OTP: variants seen among roughly 807,000 people sequenced by gnomAD.
OTP encodes orthopedia homeobox.
OTP carries 5 observed loss-of-function variants against 22.3 expected under a neutral mutation model. The observed-to-expected ratio is 0.22, with a 90% CI of 0.12 to 0.47. OTP has a LOEUF of 0.47. Among genes scored for constraint, OTP ranks in the 20% least tolerant of loss-of-function variants. OTP has a pLI of 0.99. For synonymous variants in OTP, 229 were observed against 210.6 expected (o/e 1.09, Z -0.76); for missense variants, 428 against 456.2 (o/e 0.94, Z 0.56).
chr5:77,630,333 C>T lies in OTP; in HGVS notation c.909G>A (p.Trp303Ter). The change falls in exon 3 of 3, where the codon TGG becomes TGA. Residue 303 changes from tryptophan to a stop codon, truncating the protein, a stop_gained. Coordinates refer to ENST00000306422, the MANE Select transcript of OTP (RefSeq NM_032109.3). LOFTEE classifies it high-confidence loss of function. ...LCSSPDSSDV[W>*]RGTSIASLRR... ...GGAGGGAGGCGATGCTGGTGCCCCG[C>T]CACACGTCGCTGCTGTCCGGGGAGC... The T allele has an allele frequency of 6.4e-7, 1 of 1,568,728 alleles. No individual in the cohort carries two copies. Among genetic ancestry groups the T allele is most frequent in the Non-Finnish European group, 8.6e-7 (1 of 1,160,844 alleles).
In OTP at chr5:77,637,197, C is replaced by G; in HGVS notation, c.71G>C (p.Arg24Pro). The G allele has an allele frequency of 6.5e-7, 1 of 1,544,264 alleles. No homozygotes were observed. Residue 24 changes from arginine (R) to proline (P), a missense_variant, in exon 2 of 3, where the codon CGG (arginine) becomes CCG (proline). By Grantham distance (103) the Arg-to-Pro change is moderately radical. This residue lies in a region of OTP where 176 missense variants were observed against 162.9 expected (regional missense o/e 1.08). Coordinates refer to ENST00000306422, the MANE Select transcript of OTP (RefSeq NM_032109.3). ...MKDAAELLGH[R>P]EAVKCRLGVG... ...GCCCAGCCTACACTTCACCGCCTCC[C>G]GGTGGCCCAGAAGCTCGGCGGCATC...
At chr5:77,637,373 G>T in intron 1 of OTP, 143 bp from the exon 2 acceptor site, 2 of 1,018,668 alleles carry the variant, frequency 2.0e-6, no homozygotes, top group Non-Finnish European at 2.8e-6. Context: ...AGGGTATTCA[G>T]CTGGGTTCCC....
intron 2 of OTP, among the ~76,000 whole-genome samples, chr5:77,632,168 T>C (rs1744941259): frequency 6.6e-6 from 1 of 152,048 alleles, no homozygotes; most frequent in African/African-American, 2.4e-5. Context: ...TGCCTAGGCA[T>C]GTCAAACCCT....
rs775012563 is a variant in OTP at position 77,637,170 on chromosome 5, A to T, written c.98T>A (p.Val33Glu). ...ATGGCCCCCGGGGTCGGAGCCCCCCACGCCCAGCCTACACTTCACCGCCTC... is the reference window on the plus strand; with the variant it reads ...ATGGCCCCCGGGGTCGGAGCCCCCCTCGCCCAGCCTACACTTCACCGCCTC... ...HREAVKCRLG[V>E]GGSDPGGHPG... Residue 33 changes from valine to glutamate, a missense_variant, in exon 2 of 3, where the codon GTG becomes GAG. Physicochemically the swap from Val to Glu is moderately radical, Grantham distance 121. Transcript: ENST00000306422. 1.2e-5 allele frequency: 19 copies of T among 1,572,548 alleles called. No homozygotes were observed. In the East Asian group the frequency reaches 4.4e-4, roughly 36 times the overall value.
chr5:77,638,503 G>T lies in OTP; in HGVS notation c.37+10C>A, dbSNP rs1174393762. On this transcript the variant is annotated intron_variant, in intron 1 of 2. Coordinates refer to ENST00000306422, the MANE Select transcript of OTP (RefSeq NM_032109.3). ...TCTCCTGGCTGCCCGGGCGAGAGGC[G>T]CGCACTCACCTAGCCTGGCGTCCAG... 1.9e-6 allele frequency: 3 copies of T among 1,572,540 alleles called. No homozygotes were observed. The highest frequency in any genetic ancestry group is 2.6e-6 in the Non-Finnish European group (3 of 1,158,486).
intron 2 of OTP, 54 bp downstream of exon 2, chr5:77,636,767 C>G: frequency 6.5e-7 from 1 of 1,548,222 alleles, no homozygotes; most frequent in Non-Finnish European, 8.7e-7. Context: ...TCCCTTTGCC[C>G]AAATCCTCCC....
In OTP at chr5:77,630,350, C is replaced by T; in HGVS notation, c.892G>A (p.Asp298Asn). 1 of 1,573,446 alleles carries T rather than the reference C, an allele frequency of 6.4e-7. No homozygotes were observed. Among genetic ancestry groups the T allele is most frequent in the Non-Finnish European group, 8.6e-7 (1 of 1,163,232 alleles). The change falls in exon 3 of 3, where the codon GAC becomes AAC. Residue 298 changes from aspartate to asparagine, a missense_variant. By Grantham distance (23) the Asp-to-Asn change is conservative (BLOSUM62 1). Around this residue, in one of 3 missense-constraint regions of OTP, gnomAD observed 236 missense variants for 238.1 expected, o/e 0.99. Coordinates refer to ENST00000306422, the MANE Select transcript of OTP (RefSeq NM_032109.3). The part of the protein sequence containing the change: ...SGSPQLCSSP[D>N]SSDVWRGTSI... ...GTGCCCCGCCACACGTCGCTGCTGT[C>T]CGGGGAGCTGCAGAGCTGGGGCGAA...
chr5:77,635,504 T>C (rs1744993692), intron 2 of OTP, among the ~76,000 whole-genome samples: 2 of 152,244 alleles, frequency 1.3e-5, no homozygotes, highest in Non-Finnish European at 1.5e-5. Context: ...TAATCAACAT[T>C]ACTTTATTAA....
chr5:77,638,678 G>A lies in OTP; in HGVS notation c.-129C>T, dbSNP rs1239183705. On this transcript the variant is annotated 5_prime_UTR_variant, in exon 1 of 3. Coordinates refer to ENST00000306422, the MANE Select transcript of OTP (RefSeq NM_032109.3). ...GATCACCTAAATGAAAGAAAATTCG[G>A]TTTGTGGTTAAAAAGGGGGCTTCTT... The A allele has an allele frequency of 1.1e-6, 1 of 921,912 alleles. No homozygotes were observed. The highest frequency in any genetic ancestry group is 1.5e-6 in the Non-Finnish European group (1 of 653,806). 57.1% of individuals were successfully genotyped at this position (921,912 alleles called of 1,614,324 possible).
intron 2 of OTP, among the ~76,000 whole-genome samples, chr5:77,634,795 A>T (rs1744983450): frequency 1.3e-5 from 2 of 152,214 alleles, no homozygotes; most frequent in African/African-American, 4.8e-5. Context: ...ATGGAACATT[A>T]TTTTTAAAAA....
chr5:77,635,319 CTT>C (rs1471751089), intron 2 of OTP, among the ~76,000 whole-genome samples: 3 of 152,102 alleles, frequency 2.0e-5, no homozygotes, highest in Non-Finnish European at 2.9e-5. Flanking sequence ...TTAAACTCAA[CTT>C]CAGATATTTT....
At chr5:77,636,738 G>A in intron 2 of OTP, 83 bp downstream of exon 2, 2 of 1,385,792 alleles carry the variant, frequency 1.4e-6, no homozygotes, top group Non-Finnish European at 2.0e-6. Context: ...GATCTCGACA[G>A]GGGAAGGGAA....
At chr5:77,630,826 A>C (rs62362480) in intron 2 of OTP, 32 bp from the exon 3 acceptor site, 683,264 of 1,496,814 alleles carry the variant, frequency 0.46, 157,035 homozygotes, top group African/African-American at 0.51. Context: ...ACAGACAGGG[A>C]GCTATTAGCC....
intron 2 of OTP, among the ~76,000 whole-genome samples, chr5:77,631,753 CG>C: frequency 6.6e-6 from 1 of 151,642 alleles, no homozygotes; most frequent in South Asian, 2.1e-4. Flanking sequence ...TTAGTGGAGA[CG>C]GGGTTTCACC....
intron 1 of OTP, among the ~76,000 whole-genome samples, chr5:77,638,211 C>A (rs1745039208): frequency 7.0e-6 from 1 of 142,476 alleles, no homozygotes; most frequent in South Asian, 2.2e-4. Context: ...GAGAGAGAAA[C>A]ACCTCCTAAC....
intron 1 of OTP, among the ~76,000 whole-genome samples, chr5:77,637,720 C>T (rs931267319): frequency 6.6e-6 from 1 of 152,178 alleles, no homozygotes; most frequent in Admixed American, 6.5e-5. Context: ...AGCCTCCAAG[C>T]TTTCACCCCC....
chr5:77,630,297 C>T lies in OTP; in HGVS notation c.945G>A (p.Ala315=). 6.4e-7 allele frequency: 1 copy of T among 1,562,734 alleles called. No homozygotes were observed. Among genetic ancestry groups the T allele is most frequent in the Non-Finnish European group, 8.6e-7 (1 of 1,157,044 alleles). ...AGCTCATAGAGACTGTGTGCTCTAG[C>T]GCCTTGCGGCGGAGGGAGGCGATGC... ...GTSIASLRRK[A]LEHTVSMSFT is the part of the protein sequence containing the mutation. Residue 315 remains alanine (A), a synonymous_variant, in exon 3 of 3, where the codon GCG becomes GCA. Transcript: ENST00000306422.
Position 77,630,584 on chromosome 5 carries a change from G to T in OTP, c.658C>A (p.Leu220Met). Residue 220 changes from leucine to methionine, a missense_variant, in exon 3 of 3, where the codon CTG becomes ATG. Leu to Met is a conservative substitution (Grantham distance 15). Coordinates refer to ENST00000306422, the MANE Select transcript of OTP (RefSeq NM_032109.3). ...CTGCCCAGCGCCGGCGGCAGAGGCA[G>T]CTGTGACACGCCAGGCATGGCGGCC... ...AAAAMPGVSQ[L>M]PLPPALGRQQ... 1 of 1,561,758 alleles carries T rather than the reference G, an allele frequency of 6.4e-7. No individual in the cohort carries two copies. Among genetic ancestry groups the T allele is most frequent in the Non-Finnish European group, 8.6e-7 (1 of 1,159,274 alleles).
Position 77,636,805 on chromosome 5 carries a change from C to G in OTP, c.447+16G>C, listed in dbSNP as rs200266548. On this transcript the variant is annotated intron_variant, in intron 2 of 2. Transcript: ENST00000306422. ...CCTGTCCTTGCCTTCTGTCCCAGAT[C>G]CCAAGCCCCTCGTACCTGCACTCGG... 688 of 1,597,668 alleles carry G rather than the reference C, an allele frequency of 4.3e-4. 2 individuals are homozygous for G. The African/African-American group carries it at 8.3e-3, about 19-fold the overall frequency.
Sources: allele counts gnomAD v4.1 joint callset (sites outside exome capture counted in the v4.1 genomes callset), GRCh38; gene constraint gnomAD v4.1.1; regional missense constraint gnomAD v4.1.1; transcripts MANE v1.5; gene names NCBI Gene and HGNC (gene_info 2026-07-23, HGNC 2026-07-21).